The following NRXN3 variants were observed in gnomAD, a reference collection of about 807,000 sequenced individuals.
NRXN3 encodes neurexin 3.
In NRXN3, 32 loss-of-function variants were observed where a neutral mutation model predicts 137.6. The ratio of observed to expected loss-of-function variants is 0.23; its 90% CI spans 0.18 to 0.31. The LOEUF (loss-of-function observed/expected upper bound fraction) is 0.31, where lower values mean the gene tolerates loss of function less well. Ranked by LOEUF, NRXN3 falls within the 10% of genes least tolerant of loss-of-function variation. NRXN3 has a pLI of 1.00. For missense variants in NRXN3, 1,574 were observed against 2,062.5 expected, an observed-to-expected ratio of 0.76 and a Z score of 4.59; for synonymous variants, 798 against 784.5, an observed-to-expected ratio of 1.02 and a Z score of -0.29.
rs535393143 is a variant in NRXN3, at chr14:78,971,960, A to G, written c.3142+3614A>G. Among the ~76,000 whole-genome samples the G allele has an allele frequency of 3.2e-4, 48 of 152,324 alleles. 1 individual carries two copies. Among genetic ancestry groups the G allele is most frequent in the Middle Eastern group, 3.4e-3 (1 of 294 alleles). ...TACTCTTCAGCTCTCAAGTATGAGT[A>G]GCAAAAAAGAAAAAAATCTTGAAAC... On this transcript the variant is annotated intron_variant, in intron 14 of 20. Coordinates refer to ENST00000335750, the MANE Select transcript of NRXN3 (RefSeq NM_001330195.2).
intron 15 of NRXN3, among the ~76,000 whole-genome samples, chr14:79,187,404 A>T (rs2063666025): frequency 6.6e-6 from 1 of 152,194 alleles, no homozygotes; most frequent in Non-Finnish European, 1.5e-5. Context: ...AAGTATTGTT[A>T]TCTCCATTTT....
intron 18 of NRXN3, among the ~76,000 whole-genome samples, chr14:79,694,441 A>G (rs1260904857): frequency 6.6e-6 from 1 of 151,936 alleles, no homozygotes; most frequent in Non-Finnish European, 1.5e-5. Flanking sequence ...CAATTCCTCT[A>G]CCAGTGTTTG....
intron 19 of NRXN3, among the ~76,000 whole-genome samples, chr14:79,716,021 G>A (rs2098822473): frequency 6.6e-6 from 1 of 152,226 alleles, no homozygotes; most frequent in Non-Finnish European, 1.5e-5. Context: ...CACTTAATGG[G>A]CTAAAGATAG....
chr14:79,210,005 C>T (rs913386539), intron 15 of NRXN3, among the ~76,000 whole-genome samples: 3 of 152,130 alleles, frequency 2.0e-5, no homozygotes, highest in Non-Finnish European at 2.9e-5. Context: ...TGGTTATAAG[C>T]GTAAGTGAAT....
chr14:78,575,987 G>A (rs1321203257), intron 4 of NRXN3, among the ~76,000 whole-genome samples: 1 of 152,226 alleles, frequency 6.6e-6, no homozygotes, highest in Non-Finnish European at 1.5e-5. Context: ...GACATTCACT[G>A]TTGCAAGATT....
At chr14:78,470,119 C>T (rs978583001) in intron 4 of NRXN3, among the ~76,000 whole-genome samples, 4 of 152,098 alleles carry the variant, frequency 2.6e-5, no homozygotes, top group African/African-American at 4.8e-5. Flanking sequence ...TATTTTTATC[C>T]TCCATAAGCC....
At chr14:79,308,946 TATA>T (rs2086674789) in intron 15 of NRXN3, among the ~76,000 whole-genome samples, 1 of 145,162 alleles carries the variant, frequency 6.9e-6, no homozygotes, top group South Asian at 2.2e-4. Context: ...TTTTTTTTAT[TATA>T]CTCTAAGTTT....
At chr14:78,236,529 G>A (rs2153446899) in intron 1 of NRXN3, among the ~76,000 whole-genome samples, 1 of 152,312 alleles carries the variant, frequency 6.6e-6, no homozygotes, top group South Asian at 2.1e-4. Flanking sequence ...GTGTTGCCAT[G>A]AACATTCTCA....
rs371842245 is a variant in NRXN3 at position 79,361,959 on chromosome 14, A to T, written c.3263-105262A>T. ...TTACAAATGTAAGACTCTCGAGGCC[A>T]GCAGTGTATCTTTTACGCTATTCAT... On this transcript the variant is annotated intron_variant, in intron 15 of 20. Coordinates refer to ENST00000335750, the MANE Select transcript of NRXN3 (RefSeq NM_001330195.2). Among the ~76,000 whole-genome samples, 17 of 150,872 alleles carry T rather than the reference A, an allele frequency of 1.1e-4. No homozygotes were observed. In the East Asian group the frequency reaches 1.4e-3, roughly 12 times the overall value.
At chr14:79,036,680 G>T (rs2099616662) in intron 15 of NRXN3, among the ~76,000 whole-genome samples, 1 of 142,480 alleles carries the variant, frequency 7.0e-6, no homozygotes, top group African/African-American at 2.6e-5. Flanking sequence ...AGCAGATTGT[G>T]GTTTATGATA....
At chr14:78,380,790 GTTTT>G (rs55664650) in intron 4 of NRXN3, among the ~76,000 whole-genome samples, 1 of 145,600 alleles carries the variant, frequency 6.9e-6, no homozygotes, top group Admixed American at 6.8e-5. Context: ...ATCTTATCAA[GTTTT>G]TTTTTTTTTT....
intron 11 of NRXN3, among the ~76,000 whole-genome samples, chr14:78,963,411 C>A (rs554034251): frequency 6.6e-6 from 1 of 152,126 alleles, no homozygotes; most frequent in East Asian, 1.9e-4. Flanking sequence ...CATCATAGTT[C>A]AGTTTCTCTG....
intron 8 of NRXN3, among the ~76,000 whole-genome samples, chr14:78,751,793 G>A (rs556993114): frequency 5.6e-4 from 85 of 152,330 alleles, no homozygotes; most frequent in African/African-American, 2.0e-3. Flanking sequence ...TGCTGGAGGA[G>A]CAGCAGTAGC....
In NRXN3 at chr14:78,715,072, G is replaced by A; in HGVS notation, c.1977G>A (p.Lys659=). ...CCTGCAAGAATAATGCTGTGTGCAA[G>A]GACGGCTGGAACCGCTTCATCTGCG... ...SYPCKNNAVC[K]DGWNRFICDC... The change falls in exon 8 of 21, where the codon AAG becomes AAA. Residue 659 remains lysine (K), a synonymous_variant. Coordinates refer to ENST00000335750, the MANE Select transcript of NRXN3 (RefSeq NM_001330195.2). 1.2e-6 allele frequency: 2 copies of A among 1,613,494 alleles called. No homozygotes were observed. Among genetic ancestry groups the A allele is most frequent in the Non-Finnish European group, 1.7e-6 (2 of 1,180,000 alleles).
chr14:78,540,648 G>T (rs1264734410), intron 4 of NRXN3, among the ~76,000 whole-genome samples: 2 of 152,120 alleles, frequency 1.3e-5, no homozygotes, highest in Non-Finnish European at 2.9e-5. Context: ...GTGTGAATTT[G>T]ATTCTGTCAT....
At chr14:78,994,611 A>T (rs2099526087) in intron 15 of NRXN3, among the ~76,000 whole-genome samples, 1 of 152,236 alleles carries the variant, frequency 6.6e-6, no homozygotes, top group Non-Finnish European at 1.5e-5. Flanking sequence ...TGTAATGTGT[A>T]TAACTTATTA....
chr14:78,510,880 A>C (rs2096091649), intron 4 of NRXN3, among the ~76,000 whole-genome samples: 1 of 152,220 alleles, frequency 6.6e-6, no homozygotes, highest in Non-Finnish European at 1.5e-5. Context: ...TTGACATAAA[A>C]GCTTGTAAGC....
chr14:79,710,724 G>C (rs989666686), intron 19 of NRXN3, among the ~76,000 whole-genome samples: 2 of 152,196 alleles, frequency 1.3e-5, no homozygotes, highest in African/African-American at 2.4e-5. Context: ...TGAGTGCCTA[G>C]TATGGGCTAA....
At chr14:79,709,794 A>G (rs577863737) in intron 19 of NRXN3, among the ~76,000 whole-genome samples, 27 of 152,118 alleles carry the variant, frequency 1.8e-4, no homozygotes, top group Non-Finnish European at 2.2e-4. Context: ...CTGGGAAGCT[A>G]TTCCACTGAA....
Sources: allele counts gnomAD v4.1 joint callset (sites outside exome capture counted in the v4.1 genomes callset), GRCh38; gene constraint gnomAD v4.1.1; transcripts MANE v1.5; gene names NCBI Gene and HGNC (gene_info 2026-07-23, HGNC 2026-07-21).